The following MTRES1 variants were observed in gnomAD, a reference collection of about 807,000 sequenced individuals.
The protein encoded by MTRES1 is uncharacterized protein C6orf203.
In MTRES1, 11 loss-of-function variants were observed where a neutral mutation model predicts 17.4. That is an observed-to-expected ratio of 0.63 (90% CI 0.40 to 1.05). MTRES1 has a LOEUF of 1.05. Ranked by LOEUF, MTRES1 falls within the 50% of genes least tolerant of loss-of-function variation. The probability of loss-of-function intolerance (pLI) is 0.00; values close to 1 mark genes in which losing one functional copy is unlikely to be tolerated. For missense variants in MTRES1, 268 were observed against 276.2 expected, an observed-to-expected ratio of 0.97 and a Z score of 0.21; for synonymous variants, 94 against 99.6, an observed-to-expected ratio of 0.94 and a Z score of 0.34.
At chr6:107,049,799 G>T (rs546786518) in intron 3 of MTRES1, among the ~76,000 whole-genome samples, 18 of 147,904 alleles carry the variant, frequency 1.2e-4, no homozygotes, top group Non-Finnish European at 1.2e-4. Flanking sequence ...TTGGTTCACC[G>T]CAACCTCTGC....
At chr6:107,030,626 A>G (rs1359559604) in intron 1 of MTRES1, among the ~76,000 whole-genome samples, 2 of 152,090 alleles carry the variant, frequency 1.3e-5, no homozygotes, top group Non-Finnish European at 2.9e-5. Context: ...TCATTTTTCC[A>G]ATAAAAAGTC....
Position 107,039,757 on chromosome 6 carries a change from C to T in MTRES1, c.-4C>T, listed in dbSNP as rs371703312. 4.8e-5 allele frequency: 76 copies of T among 1,590,554 alleles called. No individual in the cohort carries two copies. Among genetic ancestry groups the T allele is most frequent in the Non-Finnish European group, 5.8e-5 (68 of 1,173,148 alleles). On this transcript the variant is annotated 5_prime_UTR_variant, in exon 2 of 4. Transcript: ENST00000311381. The stretch of plus-strand genomic sequence containing the variant: ...TTTATTATCTGTTTCAGATTATAAG[C>T]GCCATGGCTATGGCTAGTGTTAAAT...
chr6:107,050,315 C>T (rs1432310557), intron 3 of MTRES1, among the ~76,000 whole-genome samples: 1 of 152,256 alleles, frequency 6.6e-6, no homozygotes, highest in Non-Finnish European at 1.5e-5. Flanking sequence ...ATTGTCTTCA[C>T]TGTGCATGTA....
chr6:107,030,425 G>A (rs547698492), intron 1 of MTRES1, among the ~76,000 whole-genome samples: 3 of 152,298 alleles, frequency 2.0e-5, no homozygotes, highest in African/African-American at 7.2e-5. Flanking sequence ...ACTCACAGCT[G>A]TGATTTATTA....
At chr6:107,050,841 T>TTG (rs1774577934) in intron 3 of MTRES1, among the ~76,000 whole-genome samples, 1 of 152,074 alleles carries the variant, frequency 6.6e-6, no homozygotes, top group African/African-American at 2.4e-5. Context: ...CCTCCCAAAG[T>TTG]GCTGGGATTA....
intron 1 of MTRES1, among the ~76,000 whole-genome samples, chr6:107,038,622 G>A (rs1176797428): frequency 1.3e-5 from 2 of 152,200 alleles, no homozygotes; most frequent in African/African-American, 4.8e-5. Flanking sequence ...GATTTGCTGG[G>A]GCTGGAGGTT....
chr6:107,032,840 A>G (rs1357700708), intron 1 of MTRES1, among the ~76,000 whole-genome samples: 1 of 152,190 alleles, frequency 6.6e-6, no homozygotes, highest in East Asian at 1.9e-4. Flanking sequence ...ATATTTCCCC[A>G]TAGCTCGGTT....
At chr6:107,028,789 C>A (rs910648133) in intron 1 of MTRES1, 1 of 625,510 alleles carries the variant, frequency 1.6e-6, no homozygotes, top group Non-Finnish European at 2.0e-6. Flanking sequence ...GCTTTTCTTA[C>A]AGTCTTCGGT....
In MTRES1 at chr6:107,039,989, A is replaced by G. The variant is rs782262813; in HGVS notation, c.229A>G (p.Ile77Val). The change falls in exon 2 of 4, where the codon ATT becomes GTT. Residue 77 changes from isoleucine (I) to valine (V), a missense_variant. Physicochemically the swap from Ile to Val is conservative, Grantham distance 29. Coordinates refer to ENST00000311381, the MANE Select transcript of MTRES1 (RefSeq NM_016487.5). ...LPGLLLSPECIFPFSVRLKSN... is the reference protein window; with the variant it reads ...LPGLLLSPECVFPFSVRLKSN... ...AGGGCTTTTACTATCTCCAGAATGTATTTTTCCTTTTTCCGTAAGACTCAA... is the reference window on the plus strand; with the variant it reads ...AGGGCTTTTACTATCTCCAGAATGTGTTTTTCCTTTTTCCGTAAGACTCAA... 1.9e-5 allele frequency: 31 copies of G among 1,613,688 alleles called. 1 individual carries two copies. In the South Asian group the frequency reaches 3.2e-4, roughly 17 times the overall value.
intron 1 of MTRES1, among the ~76,000 whole-genome samples, chr6:107,034,353 C>T (rs1773937176): frequency 6.6e-6 from 1 of 152,140 alleles, no homozygotes; most frequent in Non-Finnish European, 1.5e-5. Flanking sequence ...TAGGTGTCTC[C>T]TCTTAGGATA....
chr6:107,032,436 G>C (rs912499200), intron 1 of MTRES1, among the ~76,000 whole-genome samples: 2 of 152,216 alleles, frequency 1.3e-5, no homozygotes, highest in African/African-American at 4.8e-5. Flanking sequence ...GCCTGAGCTG[G>C]GTGCAGTGGA....
intron 1 of MTRES1, 75 bp from the exon 2 acceptor site, chr6:107,039,674 G>C: frequency 6.9e-7 from 1 of 1,444,868 alleles, no homozygotes; most frequent in East Asian, 2.3e-5. Flanking sequence ...AGCGTTCATA[G>C]TGCATATGGT....
At chr6:107,030,259 T>G (rs1554226287) in intron 1 of MTRES1, among the ~76,000 whole-genome samples, 1 of 152,138 alleles carries the variant, frequency 6.6e-6, no homozygotes, top group African/African-American at 2.4e-5. Context: ...TGCTGTTCTC[T>G]GAGTGCTTTG....
intron 3 of MTRES1, among the ~76,000 whole-genome samples, chr6:107,050,080 C>G (rs899344297): frequency 6.6e-6 from 1 of 152,222 alleles, no homozygotes; most frequent in Admixed American, 6.5e-5. Context: ...TGCCTGGACC[C>G]GGTATCTGTC....
In MTRES1 at chr6:107,051,458, G is replaced by C. The variant is rs532587422; in HGVS notation, c.*222G>C. The C allele has an allele frequency of 7.3e-5, 34 of 463,666 alleles. No homozygotes were observed. Among genetic ancestry groups the C allele is most frequent in the Non-Finnish European group, 1.2e-4 (31 of 258,778 alleles). The allele number at this position is 463,666 out of a possible 1,614,324, so 28.7% of individuals were successfully genotyped here. On this transcript the variant is annotated 3_prime_UTR_variant, in exon 4 of 4. Transcript: ENST00000311381. Reference sequence around the variant, plus strand: ...ATGCTCCTTTGACCTCCTCGTGTGAGAACCCCTTTGCCAGAGTGAGACGTG... The same window carrying C: ...ATGCTCCTTTGACCTCCTCGTGTGACAACCCCTTTGCCAGAGTGAGACGTG...
At chr6:107,033,972 T>C (rs920358177) in intron 1 of MTRES1, among the ~76,000 whole-genome samples, 1 of 152,240 alleles carries the variant, frequency 6.6e-6, no homozygotes, top group African/African-American at 2.4e-5. Flanking sequence ...ATGAATTTTA[T>C]CTAAGCTTCC....
At chr6:107,034,790 C>T (rs1773954938) in intron 1 of MTRES1, among the ~76,000 whole-genome samples, 1 of 152,080 alleles carries the variant, frequency 6.6e-6, no homozygotes, top group Non-Finnish European at 1.5e-5. Flanking sequence ...GAGTTCAAGA[C>T]CAGCCTGACC....
intron 1 of MTRES1, among the ~76,000 whole-genome samples, chr6:107,029,253 T>C (rs575695501): frequency 6.7e-6 from 1 of 150,364 alleles, no homozygotes; most frequent in East Asian, 2.0e-4. Flanking sequence ...AGTGGCGCGA[T>C]CTCTGCTCAC....
intron 1 of MTRES1, among the ~76,000 whole-genome samples, chr6:107,032,829 G>C (rs1554226593): frequency 6.6e-6 from 1 of 152,174 alleles, no homozygotes; most frequent in Non-Finnish European, 1.5e-5. Flanking sequence ...GTTGTAACTT[G>C]ATATTTCCCC....
Sources: allele counts gnomAD v4.1 joint callset (sites outside exome capture counted in the v4.1 genomes callset), GRCh38; gene constraint gnomAD v4.1.1; transcripts MANE v1.5; gene names NCBI Gene and HGNC (gene_info 2026-07-23, HGNC 2026-07-21).